The following NOX4 variants were observed in gnomAD, a reference collection of about 807,000 sequenced individuals.
The protein encoded by NOX4 is kidney oxidase-1.
In NOX4, 69 loss-of-function variants were observed where a neutral mutation model predicts 87.6. The observed-to-expected ratio is 0.79, with a 90% CI of 0.65 to 0.96. NOX4 has a LOEUF of 0.96. Ranked by LOEUF, NOX4 falls within the 40% of genes least tolerant of loss-of-function variation. NOX4 has a pLI of 0.00. For missense variants in NOX4, 680 were observed against 681.5 expected (o/e 1.00, Z 0.02); for synonymous variants, 275 against 238.2 (o/e 1.15, Z -1.42).
At chr11:89,342,703 G>C (rs1019572599) in intron 13 of NOX4, among the ~76,000 whole-genome samples, 1 of 152,060 alleles carries the variant, frequency 6.6e-6, no homozygotes, top group Admixed American at 6.6e-5. Context: ...TGCCCTGGTT[G>C]TTCATAAGTA....
intron 11 of NOX4, among the ~76,000 whole-genome samples, chr11:89,374,351 G>C (rs1456756860): frequency 6.6e-6 from 1 of 152,200 alleles, no homozygotes; most frequent in East Asian, 1.9e-4. Context: ...CTAACATCCT[G>C]TTGGATATAT....
chr11:89,564,607 T>TA, the NOX4 span, among the ~76,000 whole-genome samples: 1 of 152,124 alleles, frequency 6.6e-6, no homozygotes, highest in Admixed American at 6.5e-5. Context: ...AGCCTTTTCA[T>TA]AAAAATAAGG....
the NOX4 span, among the ~76,000 whole-genome samples, chr11:89,522,462 T>C: frequency 2.0e-5 from 3 of 152,260 alleles, no homozygotes; most frequent in East Asian, 5.8e-4. Context: ...CATTAGGTAC[T>C]CATGAACATA....
the NOX4 span, among the ~76,000 whole-genome samples, chr11:89,558,417 G>C: frequency 6.6e-6 from 1 of 151,684 alleles, no homozygotes; most frequent in East Asian, 1.9e-4. Context: ...TTACCATTTG[G>C]CCATGCTTGA....
chr11:89,382,992 C>T (rs1565219749), intron 11 of NOX4, among the ~76,000 whole-genome samples: 1 of 152,004 alleles, frequency 6.6e-6, no homozygotes, highest in East Asian at 1.9e-4. Flanking sequence ...GCCAGAAGGT[C>T]ATCTTATTCT....
intron 7 of NOX4, among the ~76,000 whole-genome samples, chr11:89,424,390 A>AGTAGATAT (rs1040231531): frequency 2.0e-5 from 3 of 150,682 alleles, no homozygotes; most frequent in African/African-American, 4.8e-5. Flanking sequence ...TTCCAGAAAA[A>AGTAGATAT]GTAGATATAT....
chr11:89,410,852 G>A (rs566699130), intron 8 of NOX4, among the ~76,000 whole-genome samples: 23 of 152,316 alleles, frequency 1.5e-4, no homozygotes, highest in African/African-American at 5.0e-4. Context: ...CACAGCCAGT[G>A]ATGTGGGTGG....
the NOX4 span, chr11:89,548,146 C>T: frequency 1.3e-5 from 2 of 151,858 alleles, no homozygotes; most frequent in Non-Finnish European, 2.9e-5. Flanking sequence ...ATGGACTGAA[C>T]GTTTGTGTCT....
chr11:89,565,987 A>T, the NOX4 span, among the ~76,000 whole-genome samples: 1 of 151,972 alleles, frequency 6.6e-6, no homozygotes, highest in African/African-American at 2.4e-5. Context: ...CTAATGATTT[A>T]AGACAGCTGC....
the NOX4 span, among the ~76,000 whole-genome samples, chr11:89,521,480 T>G: frequency 2.6e-5 from 4 of 152,162 alleles, no homozygotes; most frequent in Non-Finnish European, 4.4e-5. Flanking sequence ...GTTAGTCATA[T>G]GCAGAAGAAT....
intron 2 of NOX4, among the ~76,000 whole-genome samples, chr11:89,459,725 C>T (rs1193055571): frequency 6.6e-6 from 1 of 152,200 alleles, no homozygotes; most frequent in African/African-American, 2.4e-5. Flanking sequence ...GTGAAAATGG[C>T]CATACTGCCC....
chr11:89,502,157 G>C (rs1947029135), upstream of NOX4, among the ~76,000 whole-genome samples: 1 of 151,666 alleles, frequency 6.6e-6, no homozygotes, highest in South Asian at 2.1e-4. Flanking sequence ...GAAAGATGAG[G>C]GTGCATGGAC....
chr11:89,444,345 G>A, intron 4 of NOX4, 113 bp from the exon 5 acceptor site: 12 of 765,552 alleles, frequency 1.6e-5, no homozygotes, highest in South Asian at 5.4e-5. Flanking sequence ...ACAGCTATGT[G>A]GACAATGAAA....
chr11:89,516,057 T>C, the NOX4 span, among the ~76,000 whole-genome samples: 3,529 of 152,188 alleles, frequency 0.023, 180 homozygotes, highest in East Asian at 0.23. Flanking sequence ...GTATTATATA[T>C]TCACTTTTTA....
chr11:89,518,158 T>C, the NOX4 span, among the ~76,000 whole-genome samples: 11 of 152,132 alleles, frequency 7.2e-5, no homozygotes, highest in African/African-American at 2.6e-4. Context: ...ACTTAAGAAT[T>C]TGTAGTTAGT....
chr11:89,478,717 T>C (rs917789471), intron 2 of NOX4, among the ~76,000 whole-genome samples: 7 of 152,176 alleles, frequency 4.6e-5, no homozygotes, highest in African/African-American at 1.7e-4. Context: ...TTTCTTCAAG[T>C]AGATCAAAGT....
chr11:89,528,917 G>C, the NOX4 span, among the ~76,000 whole-genome samples: 1 of 152,096 alleles, frequency 6.6e-6, no homozygotes, highest in African/African-American at 2.4e-5. Flanking sequence ...ATTATTATGT[G>C]ATAGGACAAA....
rs758800675 is a variant in NOX4 at position 89,335,900 on chromosome 11, T to C, written c.1561A>G (p.Ile521Val). The C allele has an allele frequency of 6.2e-7, 1 of 1,602,122 alleles. No individual in the cohort carries two copies. The highest frequency in any genetic ancestry group is 8.5e-7 in the Non-Finnish European group (1 of 1,174,092). The change falls in exon 17 of 18, where the codon ATA becomes GTA. Residue 521 changes from isoleucine (I) to valine (V), a missense_variant. Coordinates refer to ENST00000263317, the MANE Select transcript of NOX4 (RefSeq NM_016931.5). ...KYHALNSRLF[I>V]GRPRWKLLFD... is the part of the protein sequence containing the mutation. ...AAAAGTTTCCACCGAGGACGTCCTA[T>C]AAACAGTCTTGAATTCAGTGCATGA... is the stretch of plus-strand genomic sequence containing the variant.
At chr11:89,539,388 C>T in the NOX4 span, among the ~76,000 whole-genome samples, 1,544 of 152,084 alleles carry the variant, frequency 0.01, 25 homozygotes, top group African/African-American at 0.035. Flanking sequence ...GCTGAGATTA[C>T]ACCACTGCAC....
Sources: gnomAD v4.1 joint callset for allele counts (sites outside exome capture counted in the v4.1 genomes callset) on GRCh38, gnomAD v4.1.1 for gene constraint, MANE v1.5 for transcripts, NCBI Gene and HGNC (gene_info 2026-07-23, HGNC 2026-07-21) for gene names.